DAB2IP: variants seen among roughly 807,000 people sequenced by gnomAD.
DAB2IP encodes the protein DAB2 interacting protein.
Under a neutral mutation model 107.2 loss-of-function variants are expected in DAB2IP, and 28 were observed. The observed-to-expected ratio is 0.26, with a 90% CI of 0.19 to 0.36. The LOEUF (loss-of-function observed/expected upper bound fraction) is 0.36. Ranked by LOEUF, DAB2IP falls within the 10% of genes least tolerant of loss-of-function variation. The probability of loss-of-function intolerance (pLI) is 1.00; values close to 1 mark genes in which losing one functional copy is unlikely to be tolerated. For missense variants in DAB2IP, 1,400 were observed against 1,644.7 expected (o/e 0.85, Z 2.57); for synonymous variants, 755 against 706.4 (o/e 1.07, Z -1.09).
intron 1 of DAB2IP, among the ~76,000 whole-genome samples, chr9:121,577,269 C>T (rs74438679): frequency 0.021 from 3,193 of 152,266 alleles, 49 homozygotes; most frequent in South Asian, 0.044. Flanking sequence ...GTCAGATTGT[C>T]TCGGGAGAGT....
At position 121,684,479 on chromosome 9, in the gene DAB2IP, G is replaced by A. The variant is rs1302479129; in HGVS notation, c.228+5698G>A. Reference sequence around the variant, plus strand: ...CCCATCACATTTCCTGGGAGGAATGGGTGTTCTTTGGTCCAACTGCCCTCG... The same window carrying A: ...CCCATCACATTTCCTGGGAGGAATGAGTGTTCTTTGGTCCAACTGCCCTCG... On this transcript the variant is annotated intron_variant, in intron 2 of 15. Transcript: ENST00000408936. The surrounding 1 kb of genome is among the most constrained non-coding windows in gnomAD (Gnocchi z 4.0). 1.3e-5 allele frequency among the ~76,000 whole-genome samples: 2 copies of A among 152,164 alleles called. No individual in the cohort carries two copies. Among genetic ancestry groups the A allele is most frequent in the Non-Finnish European group, 2.9e-5 (2 of 68,016 alleles).
intron 2 of DAB2IP, among the ~76,000 whole-genome samples, chr9:121,683,798 G>C (rs1365788834): frequency 6.6e-6 from 1 of 152,204 alleles, no homozygotes; most frequent in Non-Finnish European, 1.5e-5. Context: ...AGGGACTCTT[G>C]GGGCTGGGCT....
chr9:121,754,356 T>G (rs1564202009), intron 3 of DAB2IP, among the ~76,000 whole-genome samples: 2 of 152,146 alleles, frequency 1.3e-5, no homozygotes, highest in East Asian at 3.9e-4. Flanking sequence ...TGGCCCTGCC[T>G]CCACCACCCA....
At chr9:121,751,872 GT>G in intron 3 of DAB2IP, 1 of 967,664 alleles carries the variant, frequency 1.0e-6, no homozygotes, top group Non-Finnish European at 1.2e-6. Flanking sequence ...TAGCAGCGGA[GT>G]CCAGGGCAGG....
At chr9:121,762,490 C>T (rs960473547) in intron 6 of DAB2IP, among the ~76,000 whole-genome samples, 3 of 152,202 alleles carry the variant, frequency 2.0e-5, no homozygotes, top group Non-Finnish European at 4.4e-5. Context: ...CCAATGACAG[C>T]TTCCCCTTTG....
At position 121,599,688 on chromosome 9, in the gene DAB2IP, T is replaced by G. The variant is rs1294763546; in HGVS notation, c.40+32460T>G. ...CCGGCGACACCGCGACTCCGCCGCTTCGCAACCCTGGCCCTGGGCCGCTCA... is the reference window on the plus strand; with the variant it reads ...CCGGCGACACCGCGACTCCGCCGCTGCGCAACCCTGGCCCTGGGCCGCTCA... On this transcript the variant is annotated intron_variant, in intron 1 of 16. Transcript: ENST00000259371. This position sits in a 1 kb window ranked among gnomAD's most constrained non-coding sequence, Gnocchi z 6.9. Among the ~76,000 whole-genome samples the G allele has an allele frequency of 2.6e-5, 4 of 152,032 alleles. No individual in the cohort carries two copies. The highest frequency in any genetic ancestry group is 2.0e-4 in the Admixed American group (3 of 15,284).
intron 3 of DAB2IP, among the ~76,000 whole-genome samples, chr9:121,742,200 G>T (rs1157703182): frequency 6.6e-6 from 1 of 152,116 alleles, no homozygotes; most frequent in African/African-American, 2.4e-5. Context: ...GGCCAAGGTG[G>T]GTGGATCACC....
intron 3 of DAB2IP, among the ~76,000 whole-genome samples, chr9:121,721,144 TCTTA>T (rs1446150565): frequency 6.6e-6 from 1 of 152,180 alleles, no homozygotes; most frequent in Non-Finnish European, 1.5e-5. Flanking sequence ...GGATCACTGC[TCTTA>T]CTTTGGTTGG....
At chr9:121,734,961 A>T (rs1831789212) in intron 3 of DAB2IP, among the ~76,000 whole-genome samples, 1 of 152,090 alleles carries the variant, frequency 6.6e-6, no homozygotes, top group Non-Finnish European at 1.5e-5. Context: ...TGCTCAGAGG[A>T]TGCACTCTGC....
chr9:121,641,479 A>G (rs1832283462), intron 1 of DAB2IP, among the ~76,000 whole-genome samples: 2 of 152,128 alleles, frequency 1.3e-5, no homozygotes, highest in East Asian at 3.8e-4. Context: ...TCAATACCCA[A>G]TGGCCTTGAA....
At chr9:121,620,141 C>T (rs1425525987) in intron 1 of DAB2IP, among the ~76,000 whole-genome samples, 4 of 152,212 alleles carry the variant, frequency 2.6e-5, no homozygotes, top group African/African-American at 9.7e-5. Flanking sequence ...GCTCTGACCC[C>T]CTGCTGCAGC....
rs1829657992 is a variant in DAB2IP at position 121,699,634 on chromosome 9, A to C, written c.362+176A>C. On this transcript the variant is annotated intron_variant, in intron 3 of 15. Coordinates refer to ENST00000408936, the Ensembl canonical transcript of DAB2IP. This position sits in a 1 kb window ranked among gnomAD's most constrained non-coding sequence, Gnocchi z 6.2. ...CGGCCGGACTAGGGGGCCCGAGGGG[A>C]GGACCCTGTGCCTCCCTCCGGGGTT... 2.0e-5 allele frequency among the ~76,000 whole-genome samples: 3 copies of C among 151,976 alleles called. No individual in the cohort carries two copies. The South Asian group carries it at 6.2e-4, about 31-fold the overall frequency.
chr9:121,668,204 T>C lies in DAB2IP; in HGVS notation c.125-10474T>C, dbSNP rs556690275. 2.6e-5 allele frequency among the ~76,000 whole-genome samples: 4 copies of C among 152,082 alleles called. No individual in the cohort carries two copies. The East Asian group carries it at 7.7e-4, about 29-fold the overall frequency. ...CATTTGAGCTGTTGTTGATTTTTTT[T>C]TTTTTTTGAGATGGAGTCTTGCTTT... On this transcript the variant is annotated intron_variant, in intron 1 of 15. Transcript: ENST00000408936.
chr9:121,732,595 T>A (rs1241933068), intron 3 of DAB2IP, among the ~76,000 whole-genome samples: 1 of 151,974 alleles, frequency 6.6e-6, no homozygotes, highest in African/African-American at 2.4e-5. Context: ...TGACATACAT[T>A]AACCACCCAC....
intron 3 of DAB2IP, among the ~76,000 whole-genome samples, chr9:121,754,685 A>T (rs1833353904): frequency 6.6e-6 from 1 of 151,994 alleles, no homozygotes; most frequent in South Asian, 2.1e-4. Flanking sequence ...AAGGAAGGGG[A>T]GGGCTCTGCA....
chr9:121,730,247 G>A (rs761225988), intron 3 of DAB2IP, among the ~76,000 whole-genome samples: 4 of 152,144 alleles, frequency 2.6e-5, no homozygotes, highest in Admixed American at 1.3e-4. Context: ...CACCCTTCCC[G>A]AGGCCAGAAG....
chr9:121,714,004 G>C (rs1830465762), intron 3 of DAB2IP, among the ~76,000 whole-genome samples: 1 of 152,198 alleles, frequency 6.6e-6, no homozygotes, highest in African/African-American at 2.4e-5. Context: ...TGGGCACCAT[G>C]ATTGTGGTGC....
intron 3 of DAB2IP, among the ~76,000 whole-genome samples, chr9:121,732,286 G>T (rs111391752): frequency 6.6e-6 from 1 of 152,130 alleles, no homozygotes; most frequent in African/African-American, 2.4e-5. Context: ...TAGAGATGTC[G>T]CATGGGTGGG....
intron 1 of DAB2IP, among the ~76,000 whole-genome samples, chr9:121,624,166 A>G (rs1001237771): frequency 2.0e-5 from 3 of 152,126 alleles, no homozygotes; most frequent in African/African-American, 4.8e-5. Context: ...CACCTTCTCC[A>G]TGAAGCAGCT....
Sources: gnomAD v4.1 joint callset for allele counts (sites outside exome capture counted in the v4.1 genomes callset) on GRCh38, gnomAD v4.1.1 for gene constraint, Gnocchi (gnomAD v3.1) non-coding constraint, MANE v1.5 for transcripts, NCBI Gene and HGNC (gene_info 2026-07-23, HGNC 2026-07-21) for gene names.